Variants in OR5AS1 observed in about 807,000 individuals in gnomAD.
OR5AS1 encodes the protein olfactory receptor family 5 subfamily AS member 1.
For missense variants in OR5AS1, 492 were observed against 378.2 expected (o/e 1.30, Z -2.50); for synonymous variants, 196 against 141.7 (o/e 1.38, Z -2.72).
chr11:56,030,349 A>G (rs1394417367), intron 1 of OR5AS1, 42 bp from the exon 2 acceptor site: 3 of 938,978 alleles, frequency 3.2e-6, no homozygotes, highest in Admixed American at 5.6e-5. Flanking sequence ...CTTTTGGTTC[A>G]TCCATAACTC....
rs1474233334 is a variant in OR5AS1 at position 56,031,141 on chromosome 11, T to C, written c.723T>C (p.Cys241=). 2 of 1,614,028 alleles carry C rather than the reference T, an allele frequency of 1.2e-6. No homozygotes were observed. Among genetic ancestry groups the C allele is most frequent in the Non-Finnish European group, 1.7e-6 (2 of 1,180,042 alleles). Residue 241 remains cysteine, a synonymous_variant, in exon 2 of 2, where the codon TGT becomes TGC. Coordinates refer to ENST00000641320, the MANE Select transcript of OR5AS1 (RefSeq NM_001001921.2). Reference sequence around the variant, plus strand: ...GCAGAAGCAAAACATTCTCCACTTGTGCTTCCCACCTCATAGCAGTCACCT... The same window carrying C: ...GCAGAAGCAAAACATTCTCCACTTGCGCTTCCCACCTCATAGCAGTCACCT... ...SGGRSKTFST[C]ASHLIAVTLF...
Position 56,031,099 on chromosome 11 carries a change from C to T in OR5AS1, c.681C>T (p.Ser227=), listed in dbSNP as rs1853345656. 6.2e-7 allele frequency: 1 copy of T among 1,613,792 alleles called. No individual in the cohort carries two copies. The highest frequency in any genetic ancestry group is 1.3e-5 in the African/African-American group (1 of 74,846). ...SYFCILITVL[S]IKSSGGRSKT... is the part of the protein sequence containing the mutation. ...TCTGCATCCTCATCACTGTGTTGAGCATCAAGTCCTCAGGTGGCAGAAGCA... is the reference window on the plus strand; with the variant it reads ...TCTGCATCCTCATCACTGTGTTGAGTATCAAGTCCTCAGGTGGCAGAAGCA... Residue 227 remains serine (S), a synonymous_variant, in exon 2 of 2, where the codon AGC becomes AGT. Transcript: ENST00000641320.
rs1484824242 is a variant in OR5AS1, at chr11:56,034,924, A to G, written c.*3531A>G. ...CCATCAGACTAACAGCGGCTGTCTC[A>G]GCAGAAACCCTATAAGCCAGAAGTG... On this transcript the variant is annotated 3_prime_UTR_variant, in exon 2 of 2. Coordinates refer to ENST00000641320, the MANE Select transcript of OR5AS1 (RefSeq NM_001001921.2). 1 of 152,178 alleles carries G rather than the reference A, an allele frequency of 6.6e-6. No homozygotes were observed. The highest frequency in any genetic ancestry group is 1.5e-5 in the Non-Finnish European group (1 of 68,048). 9.4% of individuals were successfully genotyped at this position (152,178 alleles called of 1,614,324 possible). A position where few individuals can be genotyped will look rare whatever the true frequency, so the allele number is the denominator to read the frequency against.
Position 56,034,606 on chromosome 11 carries a change from A to G in OR5AS1, c.*3213A>G, listed in dbSNP as rs1853385675. ...GAACAAAGCCCCCAGGGATTATGGG[A>G]CTATGTGAAAAGAGCAAACATATAT... On this transcript the variant is annotated 3_prime_UTR_variant, in exon 2 of 2. Coordinates refer to ENST00000641320, the MANE Select transcript of OR5AS1 (RefSeq NM_001001921.2). The G allele has an allele frequency of 1.3e-5, 2 of 152,172 alleles. No individual in the cohort carries two copies. The highest frequency in any genetic ancestry group is 2.1e-4 in the South Asian group (1 of 4,836). The allele number at this position is 152,172 out of a possible 1,614,324, so 9.4% of individuals were successfully genotyped here.
Position 56,033,875 on chromosome 11 carries a change from G to T in OR5AS1, c.*2482G>T, listed in dbSNP as rs1285470641. 6.6e-6 allele frequency: 1 copy of T among 152,158 alleles called. No homozygotes were observed. The highest frequency in any genetic ancestry group is 1.5e-5 in the Non-Finnish European group (1 of 68,112). The allele number at this position is 152,158 out of a possible 1,614,324, so 9.4% of individuals were successfully genotyped here. ...GTTGACAGATACCTCATAGGAGAGA[G>T]CTCCAGCTGGCATCTCACAGGTGTG... On this transcript the variant is annotated 3_prime_UTR_variant, in exon 2 of 2. Coordinates refer to ENST00000641320, the MANE Select transcript of OR5AS1 (RefSeq NM_001001921.2).
At chr11:56,028,812 T>C (rs1026979001) in intron 1 of OR5AS1, among the ~76,000 whole-genome samples, 2 of 152,052 alleles carry the variant, frequency 1.3e-5, no homozygotes, top group Non-Finnish European at 2.9e-5. Flanking sequence ...TTAATGGAAA[T>C]GTCACTTGTT....
In OR5AS1 at chr11:56,037,261, A is replaced by G. The variant is rs1052638711; in HGVS notation, c.*5868A>G. On this transcript the variant is annotated 3_prime_UTR_variant, in exon 2 of 2. Coordinates refer to ENST00000641320, the MANE Select transcript of OR5AS1 (RefSeq NM_001001921.2). The stretch of plus-strand genomic sequence containing the variant: ...CAACATAGTATTGAAAGTGCTGGCC[A>G]GGGCAATCAGGCAAGATAAAGAAAT... 6.6e-6 allele frequency: 1 copy of G among 152,144 alleles called. No homozygotes were observed. Among genetic ancestry groups the G allele is most frequent in the Admixed American group, 6.5e-5 (1 of 15,270 alleles). The allele number at this position is 152,144 out of a possible 1,614,324, so 9.4% of individuals were successfully genotyped here.
rs74669373 is a variant in OR5AS1, at chr11:56,031,155, T to A, written c.737T>A (p.Ile246Lys). The stretch of plus-strand genomic sequence containing the variant: ...TTCTCCACTTGTGCTTCCCACCTCA[T>A]AGCAGTCACCTTATTCTATGGAGCG... Reference protein sequence around the residue: ...KTFSTCASHLIAVTLFYGALL... With the variant: ...KTFSTCASHLKAVTLFYGALL... The change falls in exon 2 of 2, where the codon ATA becomes AAA. Residue 246 changes from isoleucine (I) to lysine (K), a missense_variant. Physicochemically the swap from Ile to Lys is moderately radical, Grantham distance 102 (BLOSUM62 -3). Transcript: ENST00000641320. 3.3e-4 allele frequency: 536 copies of A among 1,614,138 alleles called. 3 individuals are homozygous for A. In the African/African-American group the frequency reaches 6.3e-3, roughly 19 times the overall value.
chr11:56,031,435 A>G lies in OR5AS1; in HGVS notation c.*42A>G. ...CATAAACAGCAATTATGCCATGAAC[A>G]TCTTATGTGTTAACTATTTTAAATT... On this transcript the variant is annotated 3_prime_UTR_variant, in exon 2 of 2. Coordinates refer to ENST00000641320, the MANE Select transcript of OR5AS1 (RefSeq NM_001001921.2). 1 of 1,334,330 alleles carries G rather than the reference A, an allele frequency of 7.5e-7. No individual in the cohort carries two copies. Among genetic ancestry groups the G allele is most frequent in the Non-Finnish European group, 1.0e-6 (1 of 984,740 alleles). The allele number at this position is 1,334,330 out of a possible 1,614,324, so 82.7% of individuals were successfully genotyped here.
chr11:56,031,019 G>A lies in OR5AS1; in HGVS notation c.601G>A (p.Ala201Thr), dbSNP rs775263125. 7 of 1,613,950 alleles carry A rather than the reference G, an allele frequency of 4.3e-6. No individual in the cohort carries two copies. Among genetic ancestry groups the A allele is most frequent in the East Asian group, 2.2e-5 (1 of 44,896 alleles). Residue 201 changes from alanine (A) to threonine (T), a missense_variant, in exon 2 of 2, where the codon GCT (alanine) becomes ACT (threonine). Coordinates refer to ENST00000641320, the MANE Select transcript of OR5AS1 (RefSeq NM_001001921.2). ...DTQINQLLLF[A>T]LCSFIQTSTF... ...TCAGATCAACCAGCTTCTGCTCTTT[G>A]CTTTGTGCAGCTTCATCCAGACCAG...
chr11:56,029,185 T>C (rs939723064), intron 1 of OR5AS1, among the ~76,000 whole-genome samples: 2 of 152,026 alleles, frequency 1.3e-5, no homozygotes, highest in Non-Finnish European at 2.9e-5. Context: ...TCTCATAATT[T>C]CCCTTAGTTA....
Position 56,034,949 on chromosome 11 carries a change from G to A in OR5AS1, c.*3556G>A, listed in dbSNP as rs1023626155. Reference sequence around the variant, plus strand: ...AGCAGAAACCCTATAAGCCAGAAGTGAGTGGGGGCCAATATCCAACAGTCT... The same window carrying A: ...AGCAGAAACCCTATAAGCCAGAAGTAAGTGGGGGCCAATATCCAACAGTCT... On this transcript the variant is annotated 3_prime_UTR_variant, in exon 2 of 2. Transcript: ENST00000641320. 6.6e-6 allele frequency: 1 copy of A among 152,142 alleles called. No homozygotes were observed. Among genetic ancestry groups the A allele is most frequent in the African/African-American group, 2.4e-5 (1 of 41,388 alleles). 9.4% of individuals were successfully genotyped at this position (152,142 alleles called of 1,614,324 possible).
Position 56,032,827 on chromosome 11 carries a change from G to C in OR5AS1, c.*1434G>C, listed in dbSNP as rs1256348713. On this transcript the variant is annotated 3_prime_UTR_variant, in exon 2 of 2. Coordinates refer to ENST00000641320, the MANE Select transcript of OR5AS1 (RefSeq NM_001001921.2). ...AGTGCATATCATAGTTATGTTTGGT[G>C]GCTGGCAAGATGGTCAAATAGGAGA... is the stretch of plus-strand genomic sequence containing the variant. 6.6e-6 allele frequency: 1 copy of C among 152,078 alleles called. No individual in the cohort carries two copies. Among genetic ancestry groups the C allele is most frequent in the Non-Finnish European group, 1.5e-5 (1 of 68,038 alleles). 9.4% of individuals were successfully genotyped at this position (152,078 alleles called of 1,614,324 possible).
chr11:56,034,866 G>A lies in OR5AS1; in HGVS notation c.*3473G>A, dbSNP rs983714035. On this transcript the variant is annotated 3_prime_UTR_variant, in exon 2 of 2. Transcript: ENST00000641320. ...AATGTTAAGGTGTTAAGGACAGCCA[G>A]AGAGAAAGCTCACATTACCCACAAA... is the stretch of plus-strand genomic sequence containing the variant. 1 of 152,130 alleles carries A rather than the reference G, an allele frequency of 6.6e-6. No homozygotes were observed. The highest frequency in any genetic ancestry group is 1.5e-5 in the Non-Finnish European group (1 of 68,040). The allele number at this position is 152,130 out of a possible 1,614,324, so 9.4% of individuals were successfully genotyped here.
chr11:56,032,408 A>G lies in OR5AS1; in HGVS notation c.*1015A>G, dbSNP rs1411988614. On this transcript the variant is annotated 3_prime_UTR_variant, in exon 2 of 2. Transcript: ENST00000641320. ...TACTCTGTAATCGATTTTGATAATTAAATTATCAGATTTTTTGTGGTTTAT... is the reference window on the plus strand; with the variant it reads ...TACTCTGTAATCGATTTTGATAATTGAATTATCAGATTTTTTGTGGTTTAT... 1 of 152,144 alleles carries G rather than the reference A, an allele frequency of 6.6e-6. No individual in the cohort carries two copies. The highest frequency in any genetic ancestry group is 1.5e-5 in the Non-Finnish European group (1 of 68,038). 9.4% of individuals were successfully genotyped at this position (152,144 alleles called of 1,614,324 possible).
Position 56,031,323 on chromosome 11 carries a change from A to C in OR5AS1, c.905A>C (p.Lys302Thr). The change falls in exon 2 of 2, where the codon AAA (lysine) becomes ACA (threonine). Residue 302 changes from lysine to threonine, a missense_variant. Physicochemically the swap from Lys to Thr is moderately conservative, Grantham distance 78. Coordinates refer to ENST00000641320, the MANE Select transcript of OR5AS1 (RefSeq NM_001001921.2). Reference protein sequence around the residue: ...FRNKDVKNALKKLLERIGYSN... With the variant: ...FRNKDVKNALTKLLERIGYSN... Reference sequence around the variant, plus strand: ...AACAAGGATGTGAAAAATGCTCTCAAAAAGCTATTAGAAAGAATTGGATAT... The same window carrying C: ...AACAAGGATGTGAAAAATGCTCTCACAAAGCTATTAGAAAGAATTGGATAT... 1 of 1,597,300 alleles carries C rather than the reference A, an allele frequency of 6.3e-7. No homozygotes were observed. The highest frequency in any genetic ancestry group is 8.5e-7 in the Non-Finnish European group (1 of 1,171,862).
rs1853395111 is a variant in OR5AS1, at chr11:56,035,477, C to A, written c.*4084C>A. On this transcript the variant is annotated 3_prime_UTR_variant, in exon 2 of 2. Coordinates refer to ENST00000641320, the MANE Select transcript of OR5AS1 (RefSeq NM_001001921.2). ...AAAAGAAAAAAAAAACAACAAAGCA[C>A]AGGGGTTGTAATCCTAGTCTCTGAT... 1 of 151,308 alleles carries A rather than the reference C, an allele frequency of 6.6e-6. No homozygotes were observed. The highest frequency in any genetic ancestry group is 2.1e-4 in the South Asian group (1 of 4,810). 9.4% of individuals were successfully genotyped at this position (151,308 alleles called of 1,614,324 possible).
Position 56,033,931 on chromosome 11 carries a change from C to A in OR5AS1, c.*2538C>A, listed in dbSNP as rs536248750. On this transcript the variant is annotated 3_prime_UTR_variant, in exon 2 of 2. Coordinates refer to ENST00000641320, the MANE Select transcript of OR5AS1 (RefSeq NM_001001921.2). ...AGGATGAAGCTTCCAAAGGAAGGAA[C>A]GGGCAGCAATCTTTACTGTTCTGCA... is the stretch of plus-strand genomic sequence containing the variant. 5.3e-5 allele frequency: 8 copies of A among 152,206 alleles called. No homozygotes were observed. Among genetic ancestry groups the A allele is most frequent in the Non-Finnish European group, 1.0e-4 (7 of 68,162 alleles). The allele number at this position is 152,206 out of a possible 1,614,324, so 9.4% of individuals were successfully genotyped here. A position where few individuals can be genotyped will look rare whatever the true frequency, so the allele number is the denominator to read the frequency against.
At position 56,035,414 on chromosome 11, in the gene OR5AS1, A is replaced by G. The variant is rs1469934564; in HGVS notation, c.*4021A>G. On this transcript the variant is annotated 3_prime_UTR_variant, in exon 2 of 2. Transcript: ENST00000641320. ...ACATAGGCTCAAAATAACGGGATGGAGGAATATTTACCAAGCAAATGGATA... is the reference window on the plus strand; with the variant it reads ...ACATAGGCTCAAAATAACGGGATGGGGGAATATTTACCAAGCAAATGGATA... The G allele has an allele frequency of 2.0e-5, 3 of 152,030 alleles. No individual in the cohort carries two copies. The highest frequency in any genetic ancestry group is 4.4e-5 in the Non-Finnish European group (3 of 67,998). 9.4% of individuals were successfully genotyped at this position (152,030 alleles called of 1,614,324 possible).
Sources: gnomAD v4.1 joint callset for allele counts (sites outside exome capture counted in the v4.1 genomes callset) on GRCh38, gnomAD v4.1.1 for gene constraint, MANE v1.5 for transcripts, NCBI Gene and HGNC (gene_info 2026-07-23, HGNC 2026-07-21) for gene names.